The following AP3B2 variants were observed in gnomAD, a reference collection of about 807,000 sequenced individuals.
AP3B2 encodes the protein adaptor related protein complex 3 subunit beta 2.
In AP3B2, 50 loss-of-function variants were observed where a neutral mutation model predicts 126.9. The observed-to-expected ratio is 0.39, with a 90% CI of 0.31 to 0.50. AP3B2 has a LOEUF of 0.50. AP3B2 is among the 20% of genes least tolerant of loss of function. The pLI is 0.79. For synonymous variants in AP3B2, 541 were observed against 565.0 expected (o/e 0.96, Z 0.60); for missense variants, 1,177 against 1,426.4 (o/e 0.83, Z 2.82).
chr15:82,688,196 A>T lies in AP3B2; in HGVS notation c.360+540T>A, dbSNP rs72753917. The T allele has an allele frequency of 8.0e-3, 4,191 of 523,964 alleles. 31 individuals carry two copies. Among genetic ancestry groups the T allele is most frequent in the Non-Finnish European group, 8.2e-3 (2,434 of 296,148 alleles). The allele number at this position is 523,964 out of a possible 1,614,324, so 32.5% of individuals were successfully genotyped here. A position where few individuals can be genotyped will look rare whatever the true frequency, so the allele number is the denominator to read the frequency against. Reference sequence around the variant, plus strand: ...ATCCAATATGGAGAGAATGGCCTTGAAATGGCTGTCTTTACCCTCAAGATG... The same window carrying T: ...ATCCAATATGGAGAGAATGGCCTTGTAATGGCTGTCTTTACCCTCAAGATG... On this transcript the variant is annotated intron_variant, in intron 4 of 26. Transcript: ENST00000535359.
Position 82,680,796 on chromosome 15 carries a change from GAC to G in AP3B2, c.771+39_771+40del, listed in dbSNP as rs1567266004. The G allele has an allele frequency of 1.9e-6, 3 of 1,609,360 alleles. No homozygotes were observed. In the South Asian group the frequency reaches 3.3e-5, roughly 18 times the overall value. On this transcript the variant is annotated intron_variant, in intron 7 of 26. Transcript: ENST00000535359. The surrounding 1 kb of genome is among the most constrained non-coding windows in gnomAD (Gnocchi z 6.1). ...GACGGGTCTGTGGGCGCCTCCCCGG[GAC>G]ACACTTCGGCCCGCTCTGCCTGGGC...
At position 82,664,109 on chromosome 15, in the gene AP3B2, T is replaced by C. The variant is rs2048008524; in HGVS notation, c.2262-134A>G. 30 of 1,405,322 alleles carry C rather than the reference T, an allele frequency of 2.1e-5. 1 individual carries two copies. In the South Asian group the frequency reaches 4.3e-4, roughly 20 times the overall value. The allele number at this position is 1,405,322 out of a possible 1,614,324, so 87.1% of individuals were successfully genotyped here. A position where few individuals can be genotyped will look rare whatever the true frequency, so the allele number is the denominator to read the frequency against. The stretch of plus-strand genomic sequence containing the variant: ...AGGAGGGTTCACACCTGAGGTCCTA[T>C]AGCAGGGACCCCGTGAGAGCTTGAA... On this transcript the variant is annotated intron_variant, in intron 19 of 26. Coordinates refer to ENST00000535359, the MANE Select transcript of AP3B2 (RefSeq NM_001278512.2). The surrounding 1 kb of genome is among the most constrained non-coding windows in gnomAD (Gnocchi z 4.5).
In AP3B2 at chr15:82,680,735, G is replaced by T; in HGVS notation, c.792C>A (p.Asn264Lys). Residue 264 changes from asparagine (N) to lysine (K), a missense_variant, in exon 8 of 27, where the codon AAC becomes AAA. Coordinates refer to ENST00000535359, the MANE Select transcript of AP3B2 (RefSeq NM_001278512.2). This position sits in a 1 kb window ranked among gnomAD's most constrained non-coding sequence, Gnocchi z 6.1. Reference protein sequence around the residue: ...PTQNESLLEENAEKAFYGSEE... With the variant: ...PTQNESLLEEKAEKAFYGSEE... ...CTGAGCCGTAGAAGGCTTTTTCCGC[G>T]TTCTCCTCTAGTAGGGATTCCTGGA... 2.5e-6 allele frequency: 4 copies of T among 1,568,642 alleles called. No individual in the cohort carries two copies. Among genetic ancestry groups the T allele is most frequent in the South Asian group, 1.2e-5 (1 of 85,318 alleles).
At chr15:82,693,963 A>T (rs1157475375) in intron 1 of AP3B2, among the ~76,000 whole-genome samples, 1 of 151,842 alleles carries the variant, frequency 6.6e-6, no homozygotes, top group Non-Finnish European at 1.5e-5. Context: ...AGCCTCCCAA[A>T]GTGCTGGGAT....
In AP3B2 at chr15:82,662,153, G is replaced by A. The variant is rs367652021; in HGVS notation, c.2918+15C>T. 2.3e-5 allele frequency: 37 copies of A among 1,587,572 alleles called. No individual in the cohort carries two copies. The African/African-American group carries it at 2.6e-4, about 11-fold the overall frequency. ...CAGCCCATCCTCTCACCCCCACCTC[G>A]AGTTGGGCACATACCACAGCTGGAA... On this transcript the variant is annotated intron_variant, in intron 24 of 26. Transcript: ENST00000535359.
chr15:82,695,511 A>C lies in AP3B2; in HGVS notation c.114-6058T>G, dbSNP rs998590828. 1.5e-4 allele frequency among the ~76,000 whole-genome samples: 23 copies of C among 152,172 alleles called. No individual in the cohort carries two copies. In the Middle Eastern group the frequency reaches 0.01, roughly 68 times the overall value. On this transcript the variant is annotated intron_variant, in intron 1 of 26. Coordinates refer to ENST00000535359, the MANE Select transcript of AP3B2 (RefSeq NM_001278512.2). ...CGATCAATCATGAAGCCTTCATAAA[A>C]ACCCAAGAGGATAGGGTTTCGAGAG...
chr15:82,699,925 TG>T (rs2048692578), intron 1 of AP3B2: 1 of 399,120 alleles, frequency 2.5e-6, no homozygotes, highest in Non-Finnish European at 4.4e-6. Flanking sequence ...CTGGGGCTCC[TG>T]TCACAGTCAC....
At chr15:82,692,225 G>A in intron 1 of AP3B2, 1 of 1,161,744 alleles carries the variant, frequency 8.6e-7, no homozygotes, top group South Asian at 1.3e-5. Flanking sequence ...CCAAGGCGAA[G>A]GGCACAAGGC....
intron 4 of AP3B2, chr15:82,685,415 AAAG>A (rs1249505861): frequency 2.9e-4 from 44 of 152,348 alleles, no homozygotes; most frequent in African/African-American, 1.0e-3. Context: ...ATAGAACACT[AAAG>A]AAGGGTAGAT....
intron 1 of AP3B2, chr15:82,699,725 A>C (rs903543899): frequency 2.5e-6 from 1 of 399,368 alleles, no homozygotes; most frequent in Non-Finnish European, 4.4e-6. Context: ...GCCTGCAGCC[A>C]CCGAAGCTCC....
At chr15:82,674,524 C>T (rs1596176534) in intron 14 of AP3B2, among the ~76,000 whole-genome samples, 1 of 152,222 alleles carries the variant, frequency 6.6e-6, no homozygotes, top group East Asian at 1.9e-4. Context: ...ATACCCACAG[C>T]TCGCTGTGCC....
intron 4 of AP3B2, chr15:82,687,530 A>C (rs1220343930): frequency 6.6e-6 from 1 of 152,226 alleles, no homozygotes; most frequent in Non-Finnish European, 1.5e-5. Flanking sequence ...CCAATCTAAG[A>C]CGGATTCCAT....
chr15:82,664,081 G>C lies in AP3B2; in HGVS notation c.2262-106C>G. On this transcript the variant is annotated intron_variant, in intron 19 of 26. Coordinates refer to ENST00000535359, the MANE Select transcript of AP3B2 (RefSeq NM_001278512.2). The surrounding 1 kb of genome is among the most constrained non-coding windows in gnomAD (Gnocchi z 4.5). ...AGCTGGAGTGGTGTGGGGAGCCTGAGCCAGGAGGGTTCACACCTGAGGTCC... is the reference window on the plus strand; with the variant it reads ...AGCTGGAGTGGTGTGGGGAGCCTGACCCAGGAGGGTTCACACCTGAGGTCC... 1 of 1,465,732 alleles carries C rather than the reference G, an allele frequency of 6.8e-7. No homozygotes were observed. Among genetic ancestry groups the C allele is most frequent in the Non-Finnish European group, 9.0e-7 (1 of 1,110,878 alleles). 90.8% of individuals were successfully genotyped at this position (1,465,732 alleles called of 1,614,324 possible).
chr15:82,691,283 CTT>C (rs745546570), intron 1 of AP3B2, among the ~76,000 whole-genome samples: 2 of 152,162 alleles, frequency 1.3e-5, no homozygotes, highest in Non-Finnish European at 2.9e-5. Context: ...TGTTTCCTGA[CTT>C]TTAATGATTG....
chr15:82,694,006 T>C (rs28595450), intron 1 of AP3B2, among the ~76,000 whole-genome samples: 50,247 of 149,750 alleles, frequency 0.34, 8,358 homozygotes, highest in African/African-American at 0.36. Flanking sequence ...CAGGCCTTTT[T>C]TTCGTTTTTC....
At position 82,680,474 on chromosome 15, in the gene AP3B2, G is replaced by A. The variant is rs1177973989; in HGVS notation, c.1053C>T (p.His351=). Residue 351 remains histidine (H), a splice_region_variant and synonymous_variant, in exon 8 of 27, where the codon CAC becomes CAT. Transcript: ENST00000535359. This position sits in a 1 kb window ranked among gnomAD's most constrained non-coding sequence, Gnocchi z 6.1. ...GCGGGGCTGGGGGCGGAGCGCACCT[G>A]TGGCTGCGCAGCAGGCGCACCAGCG... ...AKALVRLLRS[H]SEVQYVVLQN... 10 of 1,499,930 alleles carry A rather than the reference G, an allele frequency of 6.7e-6. No individual in the cohort carries two copies. The highest frequency in any genetic ancestry group is 2.1e-5 in the Admixed American group (1 of 48,452). The allele number at this position is 1,499,930 out of a possible 1,614,324, so 92.9% of individuals were successfully genotyped here. A position where few individuals can be genotyped will look rare whatever the true frequency, so the allele number is the denominator to read the frequency against.
chr15:82,683,903 A>G (rs560794792), intron 4 of AP3B2, among the ~76,000 whole-genome samples: 3 of 152,230 alleles, frequency 2.0e-5, no homozygotes, highest in Non-Finnish European at 2.9e-5. Flanking sequence ...ATGCATTGTC[A>G]ATGAGCAGTA....
intron 1 of AP3B2, among the ~76,000 whole-genome samples, chr15:82,708,033 C>T (rs2048824167): frequency 6.6e-6 from 1 of 152,160 alleles, no homozygotes; most frequent in African/African-American, 2.4e-5. Context: ...GAATGTCAGG[C>T]CTCTGAGCCC....
chr15:82,689,618 G>T (rs955330082), intron 1 of AP3B2, 165 bp from the exon 2 acceptor site: 7 of 616,146 alleles, frequency 1.1e-5, no homozygotes, highest in Middle Eastern at 3.1e-4. Context: ...CAGATCAGGG[G>T]AAACATGTGG....
Sources: gnomAD v4.1 joint callset for allele counts (sites outside exome capture counted in the v4.1 genomes callset) on GRCh38, gnomAD v4.1.1 for gene constraint, Gnocchi (gnomAD v3.1) non-coding constraint, MANE v1.5 for transcripts, NCBI Gene and HGNC (gene_info 2026-07-23, HGNC 2026-07-21) for gene names.